The following MS4A14 variants were observed in gnomAD, a reference collection of about 807,000 sequenced individuals.
The protein encoded by MS4A14 is membrane-spanning 4-domains subfamily A member 14.
In MS4A14, 18 loss-of-function variants were observed where a neutral mutation model predicts 16.7. The ratio of observed to expected loss-of-function variants is 1.08; its 90% CI spans 0.75 to 1.60. The LOEUF (loss-of-function observed/expected upper bound fraction) is 1.60. Among genes scored for constraint, MS4A14 ranks in the 40% most tolerant of loss-of-function variants. The pLI is 0.00. For synonymous variants in MS4A14, 305 were observed against 289.4 expected (o/e 1.05, Z -0.55); for missense variants, 812 against 775.3 (o/e 1.05, Z -0.56).
At chr11:60,401,844 T>C (rs1045992322) in intron 3 of MS4A14, among the ~76,000 whole-genome samples, 1 of 152,192 alleles carries the variant, frequency 6.6e-6, no homozygotes, top group African/African-American at 2.4e-5. Context: ...TATGTTCCTG[T>C]GCATTTTCTG....
At chr11:60,412,868 T>C (rs2085887550) in intron 4 of MS4A14, among the ~76,000 whole-genome samples, 1 of 151,994 alleles carries the variant, frequency 6.6e-6, no homozygotes, top group South Asian at 2.1e-4. Context: ...AATTCGTTTA[T>C]TGATTGCTAC....
rs371907012 is a variant in MS4A14 at position 60,402,926 on chromosome 11, G to A, written c.333G>A (p.Thr111=). The change falls in exon 4 of 5, where the codon ACG becomes ACA. Residue 111 remains threonine, a synonymous_variant. Coordinates refer to ENST00000300187, the MANE Select transcript of MS4A14 (RefSeq NM_032597.5). ...KKSKLLGQGV[T]GMNVISSLVA... ...CTATCTTTCAGGGTCAAGGTGTCAC[G>A]GGCATGAATGTTATCAGCTCCTTGG... 2.4e-5 allele frequency: 38 copies of A among 1,613,386 alleles called. No homozygotes were observed. Among genetic ancestry groups the A allele is most frequent in the Middle Eastern group, 1.6e-4 (1 of 6,078 alleles).
chr11:60,405,079 C>T (rs115096837), intron 4 of MS4A14, among the ~76,000 whole-genome samples: 1,522 of 151,678 alleles, frequency 0.01, 30 homozygotes, highest in African/African-American at 0.034. Flanking sequence ...ACTTTGGACC[C>T]ACTTTTTTTT....
chr11:60,413,551 G>A (rs149366070), intron 4 of MS4A14, among the ~76,000 whole-genome samples: 22 of 151,696 alleles, frequency 1.5e-4, no homozygotes, highest in South Asian at 2.1e-4. Context: ...CATCTTTATC[G>A]TATTATCTGT....
At position 60,417,155 on chromosome 11, in the gene MS4A14, C is replaced by T; in HGVS notation, c.*147C>T. On this transcript the variant is annotated 3_prime_UTR_variant, in exon 5 of 5. Transcript: ENST00000300187. ...CCAAACCCAGCACGCAACAGCCCAA[C>T]ATAACCTAGAATGTCAAGACACTCA... The T allele has an allele frequency of 2.1e-6, 2 of 935,722 alleles. No individual in the cohort carries two copies. The highest frequency in any genetic ancestry group is 3.7e-5 in the South Asian group (2 of 53,690). 58.0% of individuals were successfully genotyped at this position (935,722 alleles called of 1,614,324 possible). A position where few individuals can be genotyped will look rare whatever the true frequency, so the allele number is the denominator to read the frequency against.
chr11:60,406,409 G>A (rs2085786925), intron 4 of MS4A14, among the ~76,000 whole-genome samples: 1 of 152,160 alleles, frequency 6.6e-6, no homozygotes. Flanking sequence ...TATAATAATT[G>A]TTATAGATTA....
intron 2 of MS4A14, 167 bp downstream of exon 2, chr11:60,398,147 T>TG: frequency 1.7e-6 from 1 of 572,292 alleles, no homozygotes; most frequent in Admixed American, 3.3e-5. Context: ...TGCACTACCA[T>TG]CATCATTGTA....
rs2085765133 is a variant in MS4A14 at position 60,404,920 on chromosome 11, G to C, written c.468+1859G>C. Among the ~76,000 whole-genome samples the C allele has an allele frequency of 1.3e-5, 2 of 152,162 alleles. 1 individual carries two copies. Among genetic ancestry groups the C allele is most frequent in the South Asian group, 4.1e-4 (2 of 4,832 alleles). On this transcript the variant is annotated intron_variant, in intron 4 of 4. Coordinates refer to ENST00000300187, the MANE Select transcript of MS4A14 (RefSeq NM_032597.5). ...CAAAATCCAAGACCAGGTATATCTT[G>C]TTCAATGGAGAAAGTCAGTAAATTG...
rs1320534240 is a variant in MS4A14, at chr11:60,398,018, A to G, written c.267+38A>G. The G allele has an allele frequency of 1.9e-6, 3 of 1,606,500 alleles. No individual in the cohort carries two copies. The African/African-American group carries it at 4.0e-5, about 21-fold the overall frequency. On this transcript the variant is annotated intron_variant, in intron 2 of 4. Transcript: ENST00000300187. Reference sequence around the variant, plus strand: ...GATTAGAAGCTTTGGAGAAATTGCTATAAAGATAGATTTGAACTGCTTCAC... The same window carrying G: ...GATTAGAAGCTTTGGAGAAATTGCTGTAAAGATAGATTTGAACTGCTTCAC...
intron 3 of MS4A14, among the ~76,000 whole-genome samples, chr11:60,400,665 G>A (rs1483407160): frequency 2.0e-5 from 3 of 152,110 alleles, no homozygotes; most frequent in African/African-American, 7.2e-5. Context: ...AACTAAAAGA[G>A]TTGTTTATTG....
chr11:60,397,918 G>A lies in MS4A14; in HGVS notation c.205G>A (p.Gly69Ser), dbSNP rs368053345. ...FGTIFALNYI[G>S]FSQRLPLVVL... ...AACTATATTTGCACTTAATTACATC[G>A]GTTTCTCCCAAAGACTTCCCCTTGT... The change falls in exon 2 of 5, where the codon GGT becomes AGT. Residue 69 changes from glycine (G) to serine (S), a missense_variant. Transcript: ENST00000300187. The A allele has an allele frequency of 1.5e-5, 25 of 1,613,352 alleles. No homozygotes were observed. The highest frequency in any genetic ancestry group is 4.4e-5 in the South Asian group (4 of 91,064).
At chr11:60,411,944 T>C (rs532831106) in intron 4 of MS4A14, among the ~76,000 whole-genome samples, 18 of 152,092 alleles carry the variant, frequency 1.2e-4, no homozygotes, top group Non-Finnish European at 2.4e-4. Context: ...TTTCCATCTC[T>C]TCCTAGTTTT....
chr11:60,412,010 A>T (rs1348435421), intron 4 of MS4A14, among the ~76,000 whole-genome samples: 1 of 152,038 alleles, frequency 6.6e-6, no homozygotes, highest in Non-Finnish European at 1.5e-5. Flanking sequence ...ACTCCAAGTG[A>T]GATGACTGTG....
intron 3 of MS4A14, among the ~76,000 whole-genome samples, chr11:60,401,972 G>T (rs187406797): frequency 6.6e-5 from 10 of 152,178 alleles, no homozygotes; most frequent in Non-Finnish European, 1.2e-4. Flanking sequence ...CTGTGTAAAG[G>T]CATCATTGTA....
At chr11:60,399,432 T>C (rs1356280112) in intron 2 of MS4A14, among the ~76,000 whole-genome samples, 1 of 152,212 alleles carries the variant, frequency 6.6e-6, no homozygotes, top group East Asian at 1.9e-4. Flanking sequence ...AAAATGAGGC[T>C]ATAAAGGTAG....
In MS4A14 at chr11:60,416,928, T is replaced by C. The variant is rs762082803; in HGVS notation, c.1960T>C (p.Trp654Arg). Residue 654 changes from tryptophan to arginine, a missense_variant, in exon 5 of 5, where the codon TGG becomes CGG. Physicochemically the swap from Trp to Arg is moderately radical, Grantham distance 101 (BLOSUM62 -3). Coordinates refer to ENST00000300187, the MANE Select transcript of MS4A14 (RefSeq NM_032597.5). The part of the protein sequence containing the change: ...SESQIQQYQF[W>R]QFHKGNLQAG... ...ATCCCAAATACAGCAATACCAATTC[T>C]GGCAATTCCACAAAGGCAATCTCCA... The C allele has an allele frequency of 1.1e-5, 18 of 1,613,726 alleles. No homozygotes were observed. The highest frequency in any genetic ancestry group is 1.5e-5 in the Non-Finnish European group (18 of 1,179,764).
chr11:60,407,386 A>G (rs974312965), intron 4 of MS4A14, among the ~76,000 whole-genome samples: 2 of 152,170 alleles, frequency 1.3e-5, no homozygotes, highest in South Asian at 2.1e-4. Context: ...GTTACTAAGA[A>G]TATTTGAGTT....
Position 60,416,029 on chromosome 11 carries a change from A to T in MS4A14, c.1061A>T (p.Asp354Val), listed in dbSNP as rs2085936101. 1 of 1,613,658 alleles carries T rather than the reference A, an allele frequency of 6.2e-7. No individual in the cohort carries two copies. The highest frequency in any genetic ancestry group is 1.3e-5 in the African/African-American group (1 of 74,880). ...VKQSSNLTAN[D>V]LPPQGILSQD... ...CAGTCTTCTAATCTGACAGCTAATG[A>T]CCTGCCCCCTCAAGGCATACTATCC... The change falls in exon 5 of 5, where the codon GAC becomes GTC. Residue 354 changes from aspartate (D) to valine (V), a missense_variant. Coordinates refer to ENST00000300187, the MANE Select transcript of MS4A14 (RefSeq NM_032597.5).
intron 4 of MS4A14, among the ~76,000 whole-genome samples, chr11:60,409,425 T>C (rs1385068266): frequency 6.6e-6 from 1 of 152,072 alleles, no homozygotes; most frequent in Non-Finnish European, 1.5e-5. Context: ...AGTGTTTGTC[T>C]TTCTCAGCCT....
Sources: gnomAD v4.1 joint callset for allele counts (sites outside exome capture counted in the v4.1 genomes callset) on GRCh38, gnomAD v4.1.1 for gene constraint, MANE v1.5 for transcripts, NCBI Gene and HGNC (gene_info 2026-07-23, HGNC 2026-07-21) for gene names.